Variants in REPS2 observed in about 807,000 individuals in gnomAD.
The protein encoded by REPS2 is RALBP1 associated Eps domain containing 2, also known as ralBP1-associated Eps domain-containing protein 2.
REPS2 carries 23 observed loss-of-function variants against 53.6 expected under a neutral mutation model. The ratio of observed to expected loss-of-function variants is 0.43; its 90% CI spans 0.31 to 0.61. The LOEUF (loss-of-function observed/expected upper bound fraction) is 0.61. Among genes scored for constraint, REPS2 ranks in the 20% least tolerant of loss-of-function variants. The probability of loss-of-function intolerance (pLI) is 0.11; values close to 1 mark genes in which losing one functional copy is unlikely to be tolerated. For missense variants in REPS2, 446 were observed against 534.9 expected (o/e 0.83, Z 1.64); for synonymous variants, 238 against 218.6 (o/e 1.09, Z -0.78).
chrX:17,173,647 C>T, the REPS2 span, among the ~76,000 whole-genome samples: 1 of 112,172 alleles, frequency 8.9e-6, no homozygotes, highest in African/African-American at 3.2e-5. Flanking sequence ...ATTTGCCATA[C>T]ACCACTTAGA....
chrX:17,049,519 A>C (rs934592924), intron 6 of REPS2, among the ~76,000 whole-genome samples: 6 of 112,339 alleles, frequency 5.3e-5, no homozygotes, highest in African/African-American at 1.9e-4. Flanking sequence ...TAAAAAAATT[A>C]AAAATTTTAA....
At chrX:17,031,753 C>T (rs1002210337) in intron 5 of REPS2, among the ~76,000 whole-genome samples, 2 of 111,493 alleles carry the variant, frequency 1.8e-5, no homozygotes, top group African/African-American at 6.5e-5. Flanking sequence ...TGGGTGTTAT[C>T]CAGGTGACAG....
chrX:17,027,697 G>C (rs2061663785), intron 4 of REPS2, among the ~76,000 whole-genome samples: 1 of 82,553 alleles, frequency 1.2e-5, no homozygotes, highest in Non-Finnish European at 2.3e-5. Context: ...ACCTCCCCTT[G>C]GAGAAAGATG....
At chrX:17,184,256 C>T in the REPS2 span, among the ~76,000 whole-genome samples, 6 of 102,509 alleles carry the variant, frequency 5.9e-5, no homozygotes, top group African/African-American at 1.8e-4. Flanking sequence ...TCAATTCCCA[C>T]CTATGAGTGA....
chrX:17,155,271 T>G (rs190192337), downstream of REPS2, among the ~76,000 whole-genome samples: 12 of 111,339 alleles, frequency 1.1e-4, no homozygotes, highest in Non-Finnish European at 5.7e-5. Context: ...GAGCTGAGTA[T>G]GCTAGCTCAG....
intron 14 of REPS2, among the ~76,000 whole-genome samples, chrX:17,110,629 T>C (rs1289754166): frequency 9.4e-6 from 1 of 106,559 alleles, no homozygotes; most frequent in Admixed American, 1.0e-4. Context: ...AAGGCGGAGG[T>C]TGCAGTGAGC....
chrX:16,964,952 C>T (rs1206247923), intron 1 of REPS2, among the ~76,000 whole-genome samples: 1 of 77,506 alleles, frequency 1.3e-5, no homozygotes, highest in African/African-American at 5.1e-5. Flanking sequence ...GGCGGCTGGC[C>T]GGGCAGAGTG....
chrX:17,030,139 A>G (rs1421463148), intron 5 of REPS2, among the ~76,000 whole-genome samples: 1 of 112,457 alleles, frequency 8.9e-6, no homozygotes, highest in Non-Finnish European at 1.9e-5. Context: ...TAATAAATAC[A>G]AAAGAAATAT....
At chrX:16,956,222 C>T (rs1314635127) in intron 1 of REPS2, among the ~76,000 whole-genome samples, 1 of 106,170 alleles carries the variant, frequency 9.4e-6, no homozygotes, top group Non-Finnish European at 1.9e-5. Flanking sequence ...TACTAACTGC[C>T]CTTCCCCCAA....
chrX:17,037,026 T>C (rs2061774577), intron 5 of REPS2, among the ~76,000 whole-genome samples: 3 of 111,133 alleles, frequency 2.7e-5, no homozygotes, highest in Admixed American at 9.6e-5. Context: ...CCAGGTGTCC[T>C]ACTTCACTGA....
rs759473357 is a variant in REPS2 at position 17,116,891 on chromosome X, C to T, written c.1578+13112C>T. ...GCTTTTTGGAATTTTGTTTTGTAGG[C>T]TTATTTTGAGTTGGAGTTCAATCTC... On this transcript the variant is annotated intron_variant, in intron 14 of 17. Coordinates refer to ENST00000357277, the MANE Select transcript of REPS2 (RefSeq NM_004726.3). 7.5e-3 allele frequency among the ~76,000 whole-genome samples: 835 copies of T among 111,820 alleles called. 2 individuals carry two copies. The highest frequency in any genetic ancestry group is 0.013 in the Non-Finnish European group (690 of 53,172).
intron 5 of REPS2, among the ~76,000 whole-genome samples, chrX:17,040,456 T>C (rs1447942551): frequency 8.9e-6 from 1 of 112,318 alleles, no homozygotes; most frequent in Non-Finnish European, 1.9e-5. Flanking sequence ...TATGTGTTAG[T>C]GACTTTTCCA....
intron 1 of REPS2, among the ~76,000 whole-genome samples, chrX:17,004,525 G>A (rs2061340881): frequency 9.2e-6 from 1 of 108,976 alleles, no homozygotes; most frequent in Admixed American, 9.9e-5. Context: ...ATGTCTCTTG[G>A]AGGTTTGGTG....
chrX:17,000,278 A>AT (rs2061290798), intron 1 of REPS2, among the ~76,000 whole-genome samples: 1 of 111,031 alleles, frequency 9.0e-6, no homozygotes, highest in Non-Finnish European at 1.9e-5. Flanking sequence ...TTTTCTTCTC[A>AT]TGGAAGTGTT....
At chrX:16,970,709 G>C (rs951198990) in intron 1 of REPS2, among the ~76,000 whole-genome samples, 1 of 112,370 alleles carries the variant, frequency 8.9e-6, no homozygotes, top group Non-Finnish European at 1.9e-5. Flanking sequence ...GGCAGCCATG[G>C]ATCTACTTTT....
At chrX:17,104,034 C>T (rs187650701) in intron 14 of REPS2, among the ~76,000 whole-genome samples, 54 of 111,638 alleles carry the variant, frequency 4.8e-4, no homozygotes, top group Non-Finnish European at 1.3e-4. Flanking sequence ...TCCAGGGGTG[C>T]GTCTGTTTTC....
intron 11 of REPS2, among the ~76,000 whole-genome samples, chrX:17,072,624 G>T (rs1286061605): frequency 8.9e-6 from 1 of 112,417 alleles, no homozygotes; most frequent in Non-Finnish European, 1.9e-5. Context: ...TCATGGCGGG[G>T]ACCTCTCCTA....
chrX:17,127,028 C>A (rs2063221058), intron 14 of REPS2, among the ~76,000 whole-genome samples: 2 of 111,941 alleles, frequency 1.8e-5, no homozygotes, highest in South Asian at 7.4e-4. Context: ...GCCATCATTC[C>A]TGCCTCTTGC....
chrX:17,067,286 C>G (rs2062237622), intron 9 of REPS2, among the ~76,000 whole-genome samples: 1 of 111,452 alleles, frequency 9.0e-6, no homozygotes, highest in Admixed American at 9.5e-5. Context: ...ATATTCTTTT[C>G]CAGCTTTGAG....
Sources: allele counts gnomAD v4.1 joint callset (sites outside exome capture counted in the v4.1 genomes callset), GRCh38; gene constraint gnomAD v4.1.1; transcripts MANE v1.5; gene names NCBI Gene and HGNC (gene_info 2026-07-23, HGNC 2026-07-21).